The following GRK7 variants were observed in gnomAD, a reference collection of about 807,000 sequenced individuals.
GRK7 encodes rhodopsin kinase GRK7.
Under a neutral mutation model 34.1 loss-of-function variants are expected in GRK7, and 24 were observed. That is an observed-to-expected ratio of 0.70 (90% CI 0.51 to 0.99). GRK7 has a LOEUF of 0.99. Ranked by LOEUF, GRK7 falls within the 50% of genes least tolerant of loss-of-function variation. The pLI is 0.00. For synonymous variants in GRK7, 256 were observed against 279.4 expected (o/e 0.92, Z 0.84); for missense variants, 644 against 707.3 (o/e 0.91, Z 1.02).
intron 4 of GRK7, among the ~76,000 whole-genome samples, chr3:141,799,322 C>A (rs565741467): frequency 6.6e-6 from 1 of 152,162 alleles, no homozygotes; most frequent in East Asian, 1.9e-4. Context: ...TAGTGAAAAG[C>A]GCAGGCCAGG....
At position 141,798,443 on chromosome 3, in the gene GRK7, G is replaced by T. The variant is rs79904396; in HGVS notation, c.1051-9202G>T. On this transcript the variant is annotated intron_variant, in intron 4 of 5. Coordinates refer to ENST00000682958, the MANE Select transcript of GRK7 (RefSeq NM_139209.3). ...TAAAATAAGGTAAAACCCAGAAAAG[G>T]ATAAAACACATACACACACACACAC... Among the ~76,000 whole-genome samples the T allele has an allele frequency of 4.3e-3, 657 of 152,220 alleles. 6 individuals are homozygous for T. The highest frequency in any genetic ancestry group is 0.015 in the African/African-American group (638 of 41,538).
chr3:141,771,570 G>A (rs2084617083), intron 1 of GRK7, among the ~76,000 whole-genome samples: 1 of 152,058 alleles, frequency 6.6e-6, no homozygotes, highest in African/African-American at 2.4e-5. Context: ...AGGGGTAAGG[G>A]ATAACAAATT....
chr3:141,768,118 T>TCACGCTGTGG (rs1231836170), intron 1 of GRK7, among the ~76,000 whole-genome samples: 1 of 152,140 alleles, frequency 6.6e-6, no homozygotes, highest in Non-Finnish European at 1.5e-5. Context: ...CCACACTGTG[T>TCACGCTGTGG]CACGGTTATC....
the GRK7 span, among the ~76,000 whole-genome samples, chr3:141,750,368 A>G: frequency 1.2e-4 from 18 of 152,212 alleles, no homozygotes; most frequent in African/African-American, 4.3e-4. Context: ...ATAGCATAGA[A>G]TTAAGACTAC....
intron 4 of GRK7, among the ~76,000 whole-genome samples, chr3:141,789,663 A>AAAAAAAAAAAAAAAAAAAAAAAAAAAAC (rs796539386): frequency 1.7e-4 from 25 of 146,792 alleles, no homozygotes; most frequent in African/African-American, 5.4e-4. Context: ...GGGCAAAAAA[A>AAAAAAAAAAAAAAAAAAAAAAAAAAAAC]AAAAAAACAC....
chr3:141,772,394 T>G (rs2030183), intron 1 of GRK7, among the ~76,000 whole-genome samples: 1 of 152,118 alleles, frequency 6.6e-6, no homozygotes, highest in Non-Finnish European at 1.5e-5. Context: ...TGTCCGGCCT[T>G]TTTGGGTATT....
At chr3:141,775,876 T>C (rs79096977) in intron 2 of GRK7, among the ~76,000 whole-genome samples, 9,851 of 152,162 alleles carry the variant, frequency 0.065, 343 homozygotes, top group South Asian at 0.11. Flanking sequence ...CAGTATTGGG[T>C]TAAGTGATTA....
chr3:141,773,326 A>G (rs2084625153), intron 1 of GRK7, among the ~76,000 whole-genome samples: 1 of 151,870 alleles, frequency 6.6e-6, no homozygotes, highest in Admixed American at 6.6e-5. Flanking sequence ...GGGGCATCAC[A>G]GTTTTCCGAG....
chr3:141,814,873 C>T (rs1386628779), intron 5 of GRK7, among the ~76,000 whole-genome samples: 1 of 151,788 alleles, frequency 6.6e-6, no homozygotes, highest in Non-Finnish European at 1.5e-5. Context: ...CTCTGCAGCC[C>T]CTCCAATATC....
intron 4 of GRK7, among the ~76,000 whole-genome samples, chr3:141,792,156 A>T (rs1331409799): frequency 6.6e-6 from 1 of 151,768 alleles, no homozygotes; most frequent in Non-Finnish European, 1.5e-5. Flanking sequence ...TAATCCCAGC[A>T]CTTTGGGAGG....
chr3:141,777,189 C>T, intron 2 of GRK7, among the ~76,000 whole-genome samples: 1 of 152,126 alleles, frequency 6.6e-6, no homozygotes, highest in East Asian at 1.9e-4. Flanking sequence ...GGCGTGCTTT[C>T]TGTCTTTGGG....
the GRK7 span, among the ~76,000 whole-genome samples, chr3:141,757,129 C>CTTTTTTTTT: frequency 2.3e-4 from 23 of 101,346 alleles, 1 homozygote; most frequent in East Asian, 5.6e-4. Context: ...AGATCTTCTT[C>CTTTTTTTTT]TTTTTTTTTT....
In GRK7 at chr3:141,807,644, G is replaced by A. The variant is rs372832933; in HGVS notation, c.1051-1G>A. 10 of 1,613,496 alleles carry A rather than the reference G, an allele frequency of 6.2e-6. No individual in the cohort carries two copies. The African/African-American group carries it at 9.3e-5, about 15-fold the overall frequency. The stretch of plus-strand genomic sequence containing the variant: ...CTTGTTTTTTGTTTGGGATGTTACA[G>A]GCTGGAACCAATGGTTACATGGCTC... On this transcript the variant is annotated splice_acceptor_variant, in intron 4 of 5. Coordinates refer to ENST00000682958, the MANE Select transcript of GRK7 (RefSeq NM_139209.3). LOFTEE classifies it high-confidence loss of function.
chr3:141,808,413 C>A (rs1711058201), intron 5 of GRK7, among the ~76,000 whole-genome samples: 1 of 152,060 alleles, frequency 6.6e-6, no homozygotes, highest in African/African-American at 2.4e-5. Context: ...TAGTCGAATT[C>A]ATAGAGACAG....
Position 141,778,552 on chromosome 3 carries a change from G to A in GRK7, c.268G>A (p.Val90Met), listed in dbSNP as rs370316169. The stretch of plus-strand genomic sequence containing the variant: ...CAAGGCGGCAACCTTCCTAGAGGAC[G>A]TGCAGAACTGGGAGCTGGCCGAGGA... ...FRKAATFLED[V>M]QNWELAEEGP... Residue 90 changes from valine (V) to methionine (M), a missense_variant, in exon 3 of 6, where the codon GTG becomes ATG. Coordinates refer to ENST00000682958, the MANE Select transcript of GRK7 (RefSeq NM_139209.3). The surrounding 1 kb of genome is among the most constrained non-coding windows in gnomAD (Gnocchi z 4.1). 1.1e-5 allele frequency: 17 copies of A among 1,613,212 alleles called. No individual in the cohort carries two copies. The highest frequency in any genetic ancestry group is 8.0e-5 in the African/African-American group (6 of 74,932).
At chr3:141,768,789 CCTTT>C in intron 1 of GRK7, among the ~76,000 whole-genome samples, 1 of 152,224 alleles carries the variant, frequency 6.6e-6, no homozygotes, top group Non-Finnish European at 1.5e-5. Context: ...CATCCATCCT[CCTTT>C]CTTTCTCCTC....
intron 2 of GRK7, among the ~76,000 whole-genome samples, chr3:141,777,032 C>G (rs1226909598): frequency 6.6e-6 from 1 of 152,128 alleles, no homozygotes; most frequent in African/African-American, 2.4e-5. Flanking sequence ...AAGGAAGCTT[C>G]CTCGCTTGGT....
intron 1 of GRK7, among the ~76,000 whole-genome samples, chr3:141,769,598 C>T (rs891783639): frequency 6.6e-6 from 1 of 152,236 alleles, no homozygotes; most frequent in Non-Finnish European, 1.5e-5. Flanking sequence ...GACACTTTCT[C>T]TGACTTTGGC....
chr3:141,755,190 CTGTT>C, the GRK7 span, among the ~76,000 whole-genome samples: 7 of 152,246 alleles, frequency 4.6e-5, no homozygotes, highest in Middle Eastern at 3.4e-3. Context: ...CAAATTTAAA[CTGTT>C]TGGAAAGCTC....
Sources: gnomAD v4.1 joint callset for allele counts (sites outside exome capture counted in the v4.1 genomes callset) on GRCh38, gnomAD v4.1.1 for gene constraint, Gnocchi (gnomAD v3.1) non-coding constraint, MANE v1.5 for transcripts, NCBI Gene and HGNC (gene_info 2026-07-23, HGNC 2026-07-21) for gene names.